DPY19L2: variants seen among roughly 807,000 people sequenced by gnomAD.
The protein encoded by DPY19L2 is probable C-mannosyltransferase DPY19L2.
In DPY19L2, 34 loss-of-function variants were observed where a neutral mutation model predicts 97.9. That is an observed-to-expected ratio of 0.35 (90% CI 0.26 to 0.46). The LOEUF is 0.46. DPY19L2 is among the 20% of genes least tolerant of loss of function. The pLI is 1.00. For missense variants in DPY19L2, 623 were observed against 911.4 expected (o/e 0.68, Z 4.07); for synonymous variants, 230 against 307.9 (o/e 0.75, Z 2.65).
chr12:63,622,645 GC>G (rs1461123178), intron 8 of DPY19L2, among the ~76,000 whole-genome samples: 1 of 152,116 alleles, frequency 6.6e-6, no homozygotes, highest in African/African-American at 2.4e-5. Flanking sequence ...CATATAATTG[GC>G]CGGGCACAGT....
chr12:63,641,145 CT>C (rs1892632232), intron 6 of DPY19L2, among the ~76,000 whole-genome samples: 1 of 152,120 alleles, frequency 6.6e-6, no homozygotes, highest in African/African-American at 2.4e-5. Context: ...ACCTCATGAT[CT>C]GCCCGCCTCG....
At chr12:63,592,068 GA>G (rs1883167289) in intron 16 of DPY19L2, among the ~76,000 whole-genome samples, 1 of 98,666 alleles carries the variant, frequency 1.0e-5, no homozygotes, top group Non-Finnish European at 2.1e-5. Flanking sequence ...GGGAAGGCAA[GA>G]GAAGACAAGA....
At chr12:63,587,807 G>A (rs1218746516) in intron 16 of DPY19L2, among the ~76,000 whole-genome samples, 31 of 152,060 alleles carry the variant, frequency 2.0e-4, no homozygotes, top group Non-Finnish European at 2.5e-4. Flanking sequence ...TCCTGACCTC[G>A]TGATCCGCCC....
chr12:63,609,012 G>A (rs917931832), intron 11 of DPY19L2, among the ~76,000 whole-genome samples: 6 of 152,038 alleles, frequency 3.9e-5, no homozygotes, highest in South Asian at 2.1e-4. Context: ...ATCCAGCAAC[G>A]TTAGTGAACT....
At chr12:63,627,755 C>T (rs1889820404) in intron 6 of DPY19L2, among the ~76,000 whole-genome samples, 1 of 152,178 alleles carries the variant, frequency 6.6e-6, no homozygotes, top group Admixed American at 6.5e-5. Flanking sequence ...TTTATCTTCC[C>T]TCCATACACC....
intron 16 of DPY19L2, among the ~76,000 whole-genome samples, chr12:63,589,575 A>C (rs746284089): frequency 3.3e-5 from 5 of 152,016 alleles, no homozygotes; most frequent in African/African-American, 4.8e-5. Context: ...ACTATACCAC[A>C]AAATTAACGC....
chr12:63,586,568 T>G (rs1215715938), intron 16 of DPY19L2, among the ~76,000 whole-genome samples: 3 of 152,174 alleles, frequency 2.0e-5, no homozygotes, highest in Non-Finnish European at 4.4e-5. Context: ...CCTCCACTAC[T>G]CACTAGCTGT....
At chr12:63,649,293 C>A (rs1212524600) in intron 4 of DPY19L2, among the ~76,000 whole-genome samples, 4 of 151,938 alleles carry the variant, frequency 2.6e-5, no homozygotes, top group Non-Finnish European at 5.9e-5. Context: ...GCAAACCAAC[C>A]CGAAATCTAG....
At chr12:63,566,146 T>C (rs1877640570) in intron 21 of DPY19L2, among the ~76,000 whole-genome samples, 1 of 152,106 alleles carries the variant, frequency 6.6e-6, no homozygotes, top group Non-Finnish European at 1.5e-5. Context: ...TCTCCACCTT[T>C]TGTTTGGAAG....
intron 9 of DPY19L2, among the ~76,000 whole-genome samples, chr12:63,620,422 C>A (rs1477766763): frequency 2.0e-5 from 3 of 151,946 alleles, no homozygotes; most frequent in Non-Finnish European, 4.4e-5. Context: ...CAGAATGATT[C>A]CCAGGACAAA....
chr12:63,651,721 G>T, intron 4 of DPY19L2: 1 of 436,078 alleles, frequency 2.3e-6, no homozygotes. Flanking sequence ...GGTTACAACT[G>T]CAATCTCTCC....
chr12:63,628,396 C>G (rs546717618), intron 6 of DPY19L2, among the ~76,000 whole-genome samples: 1 of 152,150 alleles, frequency 6.6e-6, no homozygotes, highest in East Asian at 1.9e-4. Flanking sequence ...ACAGTCTTAG[C>G]AAACGGCACA....
chr12:63,645,983 C>A (rs891563935), intron 5 of DPY19L2, among the ~76,000 whole-genome samples: 3 of 152,134 alleles, frequency 2.0e-5, no homozygotes, highest in African/African-American at 7.2e-5. Flanking sequence ...CATTTCACAT[C>A]ATTTTTCTTC....
chr12:63,580,836 G>A lies in DPY19L2; in HGVS notation c.1726C>T (p.Leu576Phe), dbSNP rs1880747079. Residue 576 changes from leucine (L) to phenylalanine (F), a missense_variant and splice_region_variant, in exon 19 of 22, where the codon CTC becomes TTC. This residue lies in a region of DPY19L2 where 294 missense variants were observed against 446.2 expected (regional missense o/e 0.66). Transcript: ENST00000324472. ...ACTCTGCGAAAAAGCCAGCCAAAGA[G>A]CTGAAACGAAAGAAACCGTTTATTT... ...VMASLICSRQLFGWLFRRVRF... is the reference protein window; with the variant it reads ...VMASLICSRQFFGWLFRRVRF... The A allele has an allele frequency of 1.2e-6, 2 of 1,610,686 alleles. No individual in the cohort carries two copies. The highest frequency in any genetic ancestry group is 1.7e-6 in the Non-Finnish European group (2 of 1,178,840).
At chr12:63,600,855 T>G (rs912244312) in intron 12 of DPY19L2, among the ~76,000 whole-genome samples, 3 of 148,264 alleles carry the variant, frequency 2.0e-5, no homozygotes, top group South Asian at 2.1e-4. Flanking sequence ...GCGCGATCTC[T>G]GCTCACTGCA....
chr12:63,668,297 C>A lies in DPY19L2; in HGVS notation c.97G>T (p.Val33Leu), dbSNP rs768880773. ...GCCGACTTTTCCATCTCCTCCTCTA[C>A]CTCCGGCTCCCGGGCGAGGGAGGCC... Reference protein sequence around the residue: ...RGASLAREPEVEEEMEKSALG... With the variant: ...RGASLAREPELEEEMEKSALG... Residue 33 changes from valine to leucine, a missense_variant, in exon 1 of 22, where the codon GTA (valine) becomes TTA (leucine). Physicochemically the swap from Val to Leu is conservative, Grantham distance 32. Around this residue, in one of 6 missense-constraint regions of DPY19L2, gnomAD observed 144 missense variants for 119.4 expected, o/e 1.21. Coordinates refer to ENST00000324472, the MANE Select transcript of DPY19L2 (RefSeq NM_173812.5). 6.2e-7 allele frequency: 1 copy of A among 1,613,974 alleles called. No individual in the cohort carries two copies. The highest frequency in any genetic ancestry group is 1.7e-5 in the Admixed American group (1 of 60,028).
rs770656278 is a variant in DPY19L2, at chr12:63,624,079, A to C, written c.914T>G (p.Phe305Cys). Reference sequence around the variant, plus strand: ...TAAAATACACATCTGAAGTACAAGGAAAGGATAGGAAAAACTTTCACGGAG... The same window carrying C: ...TAAAATACACATCTGAAGTACAAGGCAAGGATAGGAAAAACTTTCACGGAG... ...PPLRESFSYPFLVLQMCILTL... is the reference protein window; with the variant it reads ...PPLRESFSYPCLVLQMCILTL... Residue 305 changes from phenylalanine to cysteine, a missense_variant, in exon 8 of 22, where the codon TTC becomes TGC. Physicochemically the swap from Phe to Cys is radical, Grantham distance 205. Coordinates refer to ENST00000324472, the MANE Select transcript of DPY19L2 (RefSeq NM_173812.5). The C allele has an allele frequency of 1.9e-5, 31 of 1,611,696 alleles. No homozygotes were observed. The highest frequency in any genetic ancestry group is 2.5e-5 in the Non-Finnish European group (30 of 1,179,674).
At chr12:63,661,875 C>A (rs1250815309) in intron 3 of DPY19L2, among the ~76,000 whole-genome samples, 1 of 152,108 alleles carries the variant, frequency 6.6e-6, no homozygotes, top group African/African-American at 2.4e-5. Context: ...TGCCTCTGTA[C>A]AACTTTGCAT....
chr12:63,623,916 C>T, intron 8 of DPY19L2, 124 bp downstream of exon 8: 1 of 646,862 alleles, frequency 1.5e-6, no homozygotes, highest in Non-Finnish European at 2.8e-6. Context: ...GTTGGCCAGG[C>T]TGGTCTCGAA....
Sources: gnomAD v4.1 joint callset for allele counts (sites outside exome capture counted in the v4.1 genomes callset) on GRCh38, gnomAD v4.1.1 for gene constraint, gnomAD v4.1.1 regional missense constraint, MANE v1.5 for transcripts, NCBI Gene and HGNC (gene_info 2026-07-23, HGNC 2026-07-21) for gene names.